The following MYOM1 variants were observed in gnomAD, a reference collection of about 807,000 sequenced individuals.
MYOM1 encodes myomesin-1.
In MYOM1, 164 loss-of-function variants were observed where a neutral mutation model predicts 205.3. The observed-to-expected ratio is 0.80, with a 90% CI of 0.70 to 0.91. The LOEUF (loss-of-function observed/expected upper bound fraction) is 0.91, where lower values mean the gene tolerates loss of function less well. Ranked by LOEUF, MYOM1 falls within the 40% of genes least tolerant of loss-of-function variation. The pLI, the probability that MYOM1 is intolerant of heterozygous loss-of-function variation, is 0.00. For synonymous variants in MYOM1, 772 were observed against 789.4 expected, an observed-to-expected ratio of 0.98 and a Z score of 0.37; for missense variants, 2,011 against 2,127.3, an observed-to-expected ratio of 0.95 and a Z score of 1.08.
At chr18:3,072,401 T>C (rs1474908508) in intron 36 of MYOM1, among the ~76,000 whole-genome samples, 2 of 130,822 alleles carry the variant, frequency 1.5e-5, no homozygotes, top group Non-Finnish European at 3.1e-5. Flanking sequence ...TCACCCAGGG[T>C]GGAATGCAGT....
intron 21 of MYOM1, among the ~76,000 whole-genome samples, chr18:3,113,731 T>A (rs1415815561): frequency 1.1e-5 from 1 of 92,530 alleles, no homozygotes; most frequent in African/African-American, 3.5e-5. Context: ...TTTAAAAACA[T>A]GTGACTTTTA....
At chr18:3,093,107 G>T (rs1002610044) in intron 26 of MYOM1, among the ~76,000 whole-genome samples, 1 of 152,144 alleles carries the variant, frequency 6.6e-6, no homozygotes, top group African/African-American at 2.4e-5. Flanking sequence ...CCCACAGCAA[G>T]TCACTCTATG....
the MYOM1 span, among the ~76,000 whole-genome samples, chr18:3,225,362 C>A: frequency 1.3e-5 from 2 of 152,204 alleles, no homozygotes; most frequent in Admixed American, 1.3e-4. Flanking sequence ...CAAAGAAGCT[C>A]ATTTTGCCCA....
At chr18:3,193,708 C>T (rs186572843) in intron 3 of MYOM1, 110 bp downstream of exon 3, 7 of 1,140,608 alleles carry the variant, frequency 6.1e-6, no homozygotes. Flanking sequence ...TAAATGTTAG[C>T]TGCTATTTCT....
the MYOM1 span, among the ~76,000 whole-genome samples, chr18:3,240,995 G>A: frequency 1.3e-5 from 2 of 152,288 alleles, no homozygotes; most frequent in South Asian, 2.1e-4. Context: ...AGGGTATCTG[G>A]CAGAAGAAAT....
chr18:3,130,208 A>G (rs1415121827), intron 17 of MYOM1, among the ~76,000 whole-genome samples: 1 of 151,942 alleles, frequency 6.6e-6, no homozygotes, highest in Non-Finnish European at 1.5e-5. Context: ...ATACCCGGCT[A>G]ATTTTTGTAT....
intron 9 of MYOM1, among the ~76,000 whole-genome samples, chr18:3,166,277 T>TA (rs71366644): frequency 0.13 from 19,638 of 145,856 alleles, 1,390 homozygotes; most frequent in Middle Eastern, 0.21. Context: ...TTTTTTTTTT[T>TA]TTTTTTTATT....
At chr18:3,119,196 G>A (rs754732335) in intron 20 of MYOM1, among the ~76,000 whole-genome samples, 1 of 152,026 alleles carries the variant, frequency 6.6e-6, no homozygotes, top group Non-Finnish European at 1.5e-5. Context: ...CTGAAGAACA[G>A]TATTTGCCAG....
chr18:3,100,134 C>T, intron 25 of MYOM1, 25 bp downstream of exon 25: 1 of 1,613,106 alleles, frequency 6.2e-7, no homozygotes, highest in Non-Finnish European at 8.5e-7. Context: ...TGCTAAAAAC[C>T]TGTGAATGTA....
At chr18:3,076,885 T>C (rs2079025913) in intron 34 of MYOM1, among the ~76,000 whole-genome samples, 1 of 152,056 alleles carries the variant, frequency 6.6e-6, no homozygotes, top group Admixed American at 6.5e-5. Context: ...AGCTAATTTT[T>C]GTATTTTTTG....
At chr18:3,213,678 T>C (rs913925228) in intron 2 of MYOM1, among the ~76,000 whole-genome samples, 5 of 152,236 alleles carry the variant, frequency 3.3e-5, no homozygotes, top group African/African-American at 1.2e-4. Flanking sequence ...TGAGTGACTA[T>C]AGATTCACTG....
chr18:3,097,120 T>C (rs1224852455), intron 25 of MYOM1, among the ~76,000 whole-genome samples: 1 of 152,188 alleles, frequency 6.6e-6, no homozygotes, highest in Non-Finnish European at 1.5e-5. Flanking sequence ...CTATACTCTT[T>C]ATTACATTCT....
Position 3,129,133 on chromosome 18 carries a change from T to C in MYOM1, c.2794+99A>G, listed in dbSNP as rs8089599. 1,000,240 of 1,400,272 alleles carry C rather than the reference T, an allele frequency of 0.71. 360,071 individuals are homozygous for C. The highest frequency in any genetic ancestry group is 0.92 in the East Asian group (37,219 of 40,444). 86.7% of individuals were successfully genotyped at this position (1,400,272 alleles called of 1,614,324 possible). ...AAAACACATACAATAAGAATGGACA[T>C]TGATGAAAGCAAACATGGATGAAGG... On this transcript the variant is annotated intron_variant, in intron 18 of 37. Transcript: ENST00000356443.
At chr18:3,188,672 C>A in intron 4 of MYOM1, 76 bp downstream of exon 4, 1 of 1,069,124 alleles carries the variant, frequency 9.4e-7, no homozygotes, top group East Asian at 2.8e-5. Flanking sequence ...TATCTACACA[C>A]ACACACACAC....
intron 3 of MYOM1, among the ~76,000 whole-genome samples, chr18:3,190,903 T>C (rs1362820428): frequency 2.6e-5 from 4 of 152,166 alleles, no homozygotes; most frequent in Non-Finnish European, 5.9e-5. Context: ...ACTGGATATG[T>C]TGGCACAGCT....
the MYOM1 span, among the ~76,000 whole-genome samples, chr18:3,244,505 G>A: frequency 6.6e-6 from 1 of 152,138 alleles, no homozygotes; most frequent in African/African-American, 2.4e-5. Flanking sequence ...AGAGATCCCA[G>A]CCATTTGGGA....
rs945135861 is a variant in MYOM1 at position 3,219,469 on chromosome 18, C to G, written c.-29+334G>C. Among the ~76,000 whole-genome samples, 1 of 152,170 alleles carries G rather than the reference C, an allele frequency of 6.6e-6. No individual in the cohort carries two copies. The highest frequency in any genetic ancestry group is 2.4e-5 in the African/African-American group (1 of 41,430). ...AAATGCAGGGCCTCCTGTCTCTCAT[C>G]CATTTCAGATTTCAACCAAACCGTA... On this transcript the variant is annotated intron_variant, in intron 1 of 37. Coordinates refer to ENST00000356443, the MANE Select transcript of MYOM1 (RefSeq NM_003803.4). This position sits in a 1 kb window ranked among gnomAD's most constrained non-coding sequence, Gnocchi z 4.4.
chr18:3,161,538 C>T (rs2080391420), intron 10 of MYOM1, among the ~76,000 whole-genome samples: 1 of 152,214 alleles, frequency 6.6e-6, no homozygotes, highest in Non-Finnish European at 1.5e-5. Context: ...TCTGCCCCTC[C>T]ACTCCCTTTC....
At chr18:3,068,891 G>T (rs898396545) in intron 37 of MYOM1, among the ~76,000 whole-genome samples, 3 of 152,044 alleles carry the variant, frequency 2.0e-5, no homozygotes, top group African/African-American at 7.2e-5. Context: ...GGATACAATT[G>T]CTGGAATGTA....
Sources: allele counts gnomAD v4.1 joint callset (sites outside exome capture counted in the v4.1 genomes callset), GRCh38; gene constraint gnomAD v4.1.1; non-coding constraint Gnocchi (gnomAD v3.1); transcripts MANE v1.5; gene names NCBI Gene and HGNC (gene_info 2026-07-23, HGNC 2026-07-21).